Variants in CYGB observed in about 807,000 individuals in gnomAD.
CYGB encodes the protein cytoglobin.
In CYGB, 13 loss-of-function variants were observed where a neutral mutation model predicts 20.7. The observed-to-expected ratio is 0.63, with a 90% CI of 0.41 to 1.00. CYGB has a LOEUF of 1.00. Among genes scored for constraint, CYGB ranks in the 50% least tolerant of loss-of-function variants. CYGB has a pLI of 0.00. For synonymous variants in CYGB, 93 were observed against 107.4 expected, an observed-to-expected ratio of 0.87 and a Z score of 0.83; for missense variants, 218 against 257.2, an observed-to-expected ratio of 0.85 and a Z score of 1.04.
chr17:76,542,509 G>A (rs750022479), upstream of CYGB: 8 of 1,613,118 alleles, frequency 5.0e-6, no homozygotes, highest in South Asian at 6.6e-5. Flanking sequence ...AACATGGGAA[G>A]GTCGTGCCCT....
At chr17:76,540,263 G>C (rs560994325), upstream of CYGB, 2,489 of 610,986 alleles carry the variant, frequency 4.1e-3, 139 homozygotes, top group African/African-American at 0.047. This position sits in a 1 kb window ranked among gnomAD's most constrained non-coding sequence, Gnocchi z 5.0. Context: ...GGGGGGGGGG[G>C]CATGGGGCTG....
intron 1 of CYGB, chr17:76,544,379 T>C (rs1269974443): frequency 4.4e-6 from 2 of 454,636 alleles, no homozygotes; most frequent in African/African-American, 4.0e-5. Context: ...GGGTGAGGGA[T>C]GCCGCAGAGC....
In CYGB at chr17:76,528,509, CAAG is replaced by C; in HGVS notation, c.*66_*68del. 1 of 1,229,688 alleles carries C rather than the reference CAAG, an allele frequency of 8.1e-7. No individual in the cohort carries two copies. Among genetic ancestry groups the C allele is most frequent in the South Asian group, 3.0e-5 (1 of 33,500 alleles). 76.2% of individuals were successfully genotyped at this position (1,229,688 alleles called of 1,614,324 possible). Reference sequence around the variant, plus strand: ...TCCTTGGCACCCAGAAATGGAGCGTCAAGGAGGGTCTTCAGAACTCGGCCTTCT... The same window carrying C: ...TCCTTGGCACCCAGAAATGGAGCGTCGAGGGTCTTCAGAACTCGGCCTTCT... On this transcript the variant is annotated 3_prime_UTR_variant, in exon 4 of 4. Coordinates refer to ENST00000293230, the MANE Select transcript of CYGB (RefSeq NM_134268.5). The surrounding 1 kb of genome is among the most constrained non-coding windows in gnomAD (Gnocchi z 5.8).
At position 76,534,176 on chromosome 17, in the gene CYGB, C is replaced by CTCTCTCTCTCTCTT. The variant is rs1555623595; in HGVS notation, c.144-2486_144-2485insAAGAGAGAGAGAGA. On this transcript the variant is annotated intron_variant, in intron 1 of 3. Transcript: ENST00000293230. ...TCTCTCTCTCTCTCTCTCTCTCTCT[C>CTCTCTCTCTCTCTT]TTTCTTTCTTTCTTTCTTGAGACAG... is the stretch of plus-strand genomic sequence containing the variant. 2.4e-5 allele frequency among the ~76,000 whole-genome samples: 3 copies of CTCTCTCTCTCTCTT among 126,124 alleles called. No individual in the cohort carries two copies. In the Admixed American group the frequency reaches 2.6e-4, roughly 11 times the overall value. The allele number at this position is 126,124 out of a possible 152,430, so 82.7% of individuals were successfully genotyped here. A position where few individuals can be genotyped will look rare whatever the true frequency, so the allele number is the denominator to read the frequency against.
chr17:76,528,451 T>A lies in CYGB; in HGVS notation c.*127A>T. 1 of 935,452 alleles carries A rather than the reference T, an allele frequency of 1.1e-6. No individual in the cohort carries two copies. Among genetic ancestry groups the A allele is most frequent in the Admixed American group, 4.3e-5 (1 of 23,316 alleles). The allele number at this position is 935,452 out of a possible 1,614,324, so 57.9% of individuals were successfully genotyped here. On this transcript the variant is annotated 3_prime_UTR_variant, in exon 4 of 4. Coordinates refer to ENST00000293230, the MANE Select transcript of CYGB (RefSeq NM_134268.5). This position sits in a 1 kb window ranked among gnomAD's most constrained non-coding sequence, Gnocchi z 5.8. The stretch of plus-strand genomic sequence containing the variant: ...GACCCTGGCCGCCACAGAGGCCTCC[T>A]TCGGGGAAGTTGAGTCAGGGATTCC...
chr17:76,544,278 C>G (rs1161957896), intron 1 of CYGB: 1 of 454,544 alleles, frequency 2.2e-6, no homozygotes, highest in Admixed American at 2.3e-5. Flanking sequence ...CTGGCTGGCC[C>G]GTGCCCTTGA....
chr17:76,543,100 G>T, intron 1 of CYGB: 1 of 471,380 alleles, frequency 2.1e-6, no homozygotes, highest in Non-Finnish European at 4.4e-6. Context: ...AGGGAGAATG[G>T]GGGGAAGCAG....
At chr17:76,529,732 G>A in intron 3 of CYGB, 9 of 985,348 alleles carry the variant, frequency 9.1e-6, no homozygotes, top group Non-Finnish European at 1.1e-5. Flanking sequence ...GGGGTGAGGG[G>A]GCAACCACTG....
At chr17:76,540,308 G>A (rs924180679), upstream of CYGB, 47 of 1,422,476 alleles carry the variant, frequency 3.3e-5, no homozygotes, top group Non-Finnish European at 4.2e-5. The surrounding 1 kb of genome is among the most constrained non-coding windows in gnomAD (Gnocchi z 5.0). Context: ...CAGGGGCTGC[G>A]TGAACCTTCA....
At position 76,528,074 on chromosome 17, in the gene CYGB, C is replaced by A; in HGVS notation, c.*504G>T. On this transcript the variant is annotated 3_prime_UTR_variant, in exon 4 of 4. Transcript: ENST00000293230. This position sits in a 1 kb window ranked among gnomAD's most constrained non-coding sequence, Gnocchi z 5.8. The stretch of plus-strand genomic sequence containing the variant: ...TGCCCCACTCACAGGTGGGCCAAAC[C>A]GAGGCTTCTGGGCGCCGCGGATACA... 1 of 360,590 alleles carries A rather than the reference C, an allele frequency of 2.8e-6. No individual in the cohort carries two copies. The highest frequency in any genetic ancestry group is 2.1e-5 in the African/African-American group (1 of 48,086). 22.3% of individuals were successfully genotyped at this position (360,590 alleles called of 1,614,324 possible).
At chr17:76,532,445 C>G (rs371778265) in intron 1 of CYGB, among the ~76,000 whole-genome samples, 1 of 151,986 alleles carries the variant, frequency 6.6e-6, no homozygotes, top group African/African-American at 2.4e-5. Context: ...CTCCTTCCAG[C>G]GTGTCAGACT....
chr17:76,538,882 C>G (rs1011501263), upstream of CYGB, among the ~76,000 whole-genome samples: 2 of 152,372 alleles, frequency 1.3e-5, no homozygotes, highest in Non-Finnish European at 2.9e-5. Flanking sequence ...TGTCCCATTG[C>G]CCAAGCATTG....
upstream of CYGB, chr17:76,537,715 T>TGC: frequency 5.6e-6 from 2 of 358,142 alleles, no homozygotes; most frequent in Non-Finnish European, 7.6e-6. Flanking sequence ...TGTGTGTGTG[T>TGC]GCGTGCGTGT....
At chr17:76,549,400 A>G (rs768912592) in intron 1 of CYGB, among the ~76,000 whole-genome samples, 6 of 152,246 alleles carry the variant, frequency 3.9e-5, no homozygotes, top group Non-Finnish European at 8.8e-5. Context: ...AAGAAGAAAG[A>G]TACTCCACAT....
Position 76,527,593 on chromosome 17 carries a change from G to A in CYGB, c.*985C>T, listed in dbSNP as rs1397261780. 2.2e-6 allele frequency: 1 copy of A among 453,038 alleles called. No individual in the cohort carries two copies. The highest frequency in any genetic ancestry group is 2.0e-5 in the African/African-American group (1 of 50,058). The allele number at this position is 453,038 out of a possible 1,614,324, so 28.1% of individuals were successfully genotyped here. On this transcript the variant is annotated 3_prime_UTR_variant, in exon 4 of 4. Coordinates refer to ENST00000293230, the MANE Select transcript of CYGB (RefSeq NM_134268.5). ...CAAGCCTGACGCAGATGAATAGACAGGGCCGACTGCCGGCCAGGAGGAGGG... is the reference window on the plus strand; with the variant it reads ...CAAGCCTGACGCAGATGAATAGACAAGGCCGACTGCCGGCCAGGAGGAGGG...
At chr17:76,548,104 AACAC>A (rs765753099) in intron 1 of CYGB, among the ~76,000 whole-genome samples, 26 of 151,866 alleles carry the variant, frequency 1.7e-4, no homozygotes, top group South Asian at 1.0e-3. Flanking sequence ...GACACACAGA[AACAC>A]ACACACATAA....
Position 76,530,041 on chromosome 17 carries a change from C to A in CYGB, c.539+938G>T. The A allele has an allele frequency of 1.0e-6, 1 of 985,438 alleles. No individual in the cohort carries two copies. The highest frequency in any genetic ancestry group is 1.2e-6 in the Non-Finnish European group (1 of 829,930). The allele number at this position is 985,438 out of a possible 1,614,324, so 61.0% of individuals were successfully genotyped here. A position where few individuals can be genotyped will look rare whatever the true frequency, so the allele number is the denominator to read the frequency against. On this transcript the variant is annotated intron_variant, in intron 3 of 3. Coordinates refer to ENST00000293230, the MANE Select transcript of CYGB (RefSeq NM_134268.5). The surrounding 1 kb of genome is among the most constrained non-coding windows in gnomAD (Gnocchi z 6.1). The stretch of plus-strand genomic sequence containing the variant: ...CTGTGCCTGTGAACAGAAGGGCCGG[C>A]AGTCTTGGGGGCCCGTGCAGAGCCC...
chr17:76,528,635 G>C lies in CYGB; in HGVS notation c.540-24C>G. 7.9e-7 allele frequency: 1 copy of C among 1,271,516 alleles called. No individual in the cohort carries two copies. The highest frequency in any genetic ancestry group is 1.0e-6 in the Non-Finnish European group (1 of 1,000,170). The allele number at this position is 1,271,516 out of a possible 1,614,324, so 78.8% of individuals were successfully genotyped here. A position where few individuals can be genotyped will look rare whatever the true frequency, so the allele number is the denominator to read the frequency against. On this transcript the variant is annotated intron_variant, in intron 3 of 3. Coordinates refer to ENST00000293230, the MANE Select transcript of CYGB (RefSeq NM_134268.5). The surrounding 1 kb of genome is among the most constrained non-coding windows in gnomAD (Gnocchi z 5.8). ...GGCTGTGGACGAGATAGGAAGGGAAGGACAAACGTTACCAGAGGCAGGGAA... is the reference window on the plus strand; with the variant it reads ...GGCTGTGGACGAGATAGGAAGGGAACGACAAACGTTACCAGAGGCAGGGAA...
At chr17:76,529,804 T>A in intron 3 of CYGB, 1 of 985,136 alleles carries the variant, frequency 1.0e-6, no homozygotes, top group Non-Finnish European at 1.2e-6. Context: ...TCCCATTGAC[T>A]CCCAGGTCTC....
Sources: gnomAD v4.1 joint callset for allele counts (sites outside exome capture counted in the v4.1 genomes callset) on GRCh38, gnomAD v4.1.1 for gene constraint, Gnocchi (gnomAD v3.1) non-coding constraint, MANE v1.5 for transcripts, NCBI Gene and HGNC (gene_info 2026-07-23, HGNC 2026-07-21) for gene names.